CADM2: variants seen among roughly 807,000 people sequenced by gnomAD.
CADM2 encodes the protein immunoglobulin superfamily member 4D.
A neutral mutation model predicts 49.8 loss-of-function variants in CADM2; 12 were observed. The ratio of observed to expected loss-of-function variants is 0.24; its 90% CI spans 0.15 to 0.39. CADM2 has a LOEUF of 0.39. Among genes scored for constraint, CADM2 ranks in the 10% least tolerant of loss-of-function variants. CADM2 has a pLI of 1.00. For synonymous variants in CADM2, 214 were observed against 175.4 expected, an observed-to-expected ratio of 1.22 and a Z score of -1.74; for missense variants, 378 against 492.3, an observed-to-expected ratio of 0.77 and a Z score of 2.20.
At chr3:85,997,261 C>A (rs1316860193) in intron 8 of CADM2, among the ~76,000 whole-genome samples, 3 of 152,138 alleles carry the variant, frequency 2.0e-5, no homozygotes, top group Non-Finnish European at 4.4e-5. Context: ...TTTAAGCCTG[C>A]AGAATAAAAG....
At chr3:85,144,121 A>C (rs886121363) in intron 1 of CADM2, among the ~76,000 whole-genome samples, 1 of 152,052 alleles carries the variant, frequency 6.6e-6, no homozygotes, top group Non-Finnish European at 1.5e-5. Context: ...GCTCTTACTC[A>C]AAACTACAGA....
rs2043835867 is a variant in CADM2, at chr3:85,292,701, A to G, written c.61+333033A>G. On this transcript the variant is annotated intron_variant, in intron 1 of 9. Transcript: ENST00000383699. Reference sequence around the variant, plus strand: ...CTCCTGAATGACTACTGGGTACATAACGAAATGAAGGCAGAAATAAAGATG... The same window carrying G: ...CTCCTGAATGACTACTGGGTACATAGCGAAATGAAGGCAGAAATAAAGATG... 2.6e-5 allele frequency among the ~76,000 whole-genome samples: 4 copies of G among 152,064 alleles called. No individual in the cohort carries two copies. In the South Asian group the frequency reaches 8.3e-4, roughly 31 times the overall value.
intron 1 of CADM2, among the ~76,000 whole-genome samples, chr3:85,127,911 T>C (rs1169245344): frequency 2.6e-5 from 4 of 152,168 alleles, no homozygotes; most frequent in African/African-American, 9.7e-5. Flanking sequence ...AACAATACAG[T>C]TTCTGATAGC....
intron 1 of CADM2, among the ~76,000 whole-genome samples, chr3:85,317,602 A>C (rs975407132): frequency 2.6e-5 from 4 of 152,202 alleles, no homozygotes; most frequent in Non-Finnish European, 4.4e-5. Context: ...TCCTTCACAG[A>C]GGAGGAACAC....
intron 6 of CADM2, among the ~76,000 whole-genome samples, chr3:85,933,431 G>T (rs78979911): frequency 0.033 from 5,037 of 151,964 alleles, 282 homozygotes; most frequent in African/African-American, 0.11. Context: ...TTCCCTTCCT[G>T]TCTCACTTCT....
intron 8 of CADM2, among the ~76,000 whole-genome samples, chr3:86,000,689 A>T (rs992006206): frequency 1.3e-5 from 2 of 152,040 alleles, no homozygotes; most frequent in African/African-American, 4.8e-5. Flanking sequence ...AGAAAGAAAA[A>T]AAAAAAGCTT....
At chr3:85,561,291 A>G (rs1245702269) in intron 1 of CADM2, among the ~76,000 whole-genome samples, 1 of 152,164 alleles carries the variant, frequency 6.6e-6, no homozygotes, top group Non-Finnish European at 1.5e-5. Flanking sequence ...ACTCCTACAA[A>G]CAATATCCAA....
At position 85,939,885 on chromosome 3, in the gene CADM2, A is replaced by ATAC. The variant is rs148860460; in HGVS notation, c.791+4031_791+4033dup. On this transcript the variant is annotated intron_variant, in intron 7 of 9. Coordinates refer to ENST00000383699, the MANE Select transcript of CADM2 (RefSeq NM_001167675.2). ...TTTAATCTTTAGGAAGACAGATCAC[A>ATAC]TACTATATAGCAACTAGTGAGGTGT... is the stretch of plus-strand genomic sequence containing the variant. Among the ~76,000 whole-genome samples, 843 of 150,436 alleles carry ATAC rather than the reference A, an allele frequency of 5.6e-3. 8 individuals are homozygous for ATAC. The highest frequency in any genetic ancestry group is 0.012 in the Admixed American group (172 of 14,804).
At chr3:85,102,987 T>C (rs2038068615) in intron 1 of CADM2, among the ~76,000 whole-genome samples, 1 of 152,138 alleles carries the variant, frequency 6.6e-6, no homozygotes, top group Non-Finnish European at 1.5e-5. Context: ...CATACGGCTA[T>C]GCACATTCTA....
intron 1 of CADM2, among the ~76,000 whole-genome samples, chr3:85,058,446 C>A (rs1236118217): frequency 1.3e-5 from 2 of 151,210 alleles, no homozygotes; most frequent in African/African-American, 2.4e-5. Context: ...TCTTTTTTTT[C>A]TTTTTTTATT....
chr3:85,522,188 C>A (rs142198612), intron 1 of CADM2, among the ~76,000 whole-genome samples: 2 of 152,126 alleles, frequency 1.3e-5, no homozygotes, highest in African/African-American at 4.8e-5. Context: ...CGATATTATC[C>A]GTCCCCTTCC....
chr3:85,150,803 G>T (rs1020973088), intron 1 of CADM2, among the ~76,000 whole-genome samples: 1 of 151,826 alleles, frequency 6.6e-6, no homozygotes, highest in African/African-American at 2.4e-5. Flanking sequence ...CAGCTACTTG[G>T]GCAACTGAGG....
intron 3 of CADM2, among the ~76,000 whole-genome samples, chr3:85,838,795 A>G (rs1001599372): frequency 4.6e-5 from 7 of 151,804 alleles, no homozygotes; most frequent in African/African-American, 1.5e-4. Context: ...CAGTTACAAT[A>G]ATAGAATGGG....
At chr3:85,399,000 A>C (rs1576482336) in intron 1 of CADM2, among the ~76,000 whole-genome samples, 2 of 152,068 alleles carry the variant, frequency 1.3e-5, no homozygotes, top group East Asian at 3.9e-4. Flanking sequence ...GAAGCTCTTT[A>C]GTTTAATTAG....
chr3:85,738,773 A>T (rs192838049), intron 2 of CADM2, among the ~76,000 whole-genome samples: 55 of 152,294 alleles, frequency 3.6e-4, no homozygotes, highest in Admixed American at 3.2e-3. Context: ...AGTAAGAGAT[A>T]TACTAAAAGA....
chr3:85,695,128 A>C (rs186934163), intron 1 of CADM2, among the ~76,000 whole-genome samples: 60 of 152,260 alleles, frequency 3.9e-4, no homozygotes, highest in African/African-American at 1.3e-3. Flanking sequence ...TAATGACTTA[A>C]ATATTTATTG....
At chr3:86,003,494 C>A (rs919971828) in intron 8 of CADM2, among the ~76,000 whole-genome samples, 7 of 152,124 alleles carry the variant, frequency 4.6e-5, no homozygotes, top group African/African-American at 1.4e-4. Flanking sequence ...ATTAAGAAAA[C>A]CTACCTCATA....
chr3:86,005,393 A>G (rs1456826709), intron 8 of CADM2, among the ~76,000 whole-genome samples: 3 of 152,086 alleles, frequency 2.0e-5, no homozygotes, highest in Admixed American at 2.0e-4. Context: ...CCTATTAAAA[A>G]TACAAAAGTT....
intron 1 of CADM2, among the ~76,000 whole-genome samples, chr3:85,296,648 C>T (rs932874482): frequency 3.3e-5 from 5 of 152,162 alleles, no homozygotes; most frequent in African/African-American, 1.2e-4. Flanking sequence ...TTCATTCCTA[C>T]AGAATAAAAT....
Sources: allele counts gnomAD v4.1 joint callset (sites outside exome capture counted in the v4.1 genomes callset), GRCh38; gene constraint gnomAD v4.1.1; transcripts MANE v1.5; gene names NCBI Gene and HGNC (gene_info 2026-07-23, HGNC 2026-07-21).